Variants in CATSPERD observed in about 807,000 individuals in gnomAD.
The protein encoded by CATSPERD is cation channel sperm-associated auxiliary subunit delta.
CATSPERD carries 86 observed loss-of-function variants against 98.1 expected under a neutral mutation model. The observed-to-expected ratio is 0.88, with a 90% CI of 0.74 to 1.05. CATSPERD has a LOEUF of 1.05. Among genes scored for constraint, CATSPERD ranks in the 50% least tolerant of loss-of-function variants. The pLI, the probability that CATSPERD is intolerant of heterozygous loss-of-function variation, is 0.00. For synonymous variants in CATSPERD, 394 were observed against 390.2 expected (o/e 1.01, Z -0.12); for missense variants, 995 against 1,005.7 (o/e 0.99, Z 0.14).
intron 15 of CATSPERD, among the ~76,000 whole-genome samples, chr19:5,762,058 A>ATATATATATATATATTTTTT: frequency 4.8e-4 from 5 of 10,436 alleles, no homozygotes; most frequent in African/African-American, 1.6e-3. Context: ...ATATATATAT[A>ATATATATATATATATTTTTT]TTTTTTTTTT....
At chr19:5,739,251 T>C in intron 6 of CATSPERD, 75 bp from the exon 7 acceptor site, 1 of 855,880 alleles carries the variant, frequency 1.2e-6, no homozygotes. Flanking sequence ...AGTTTTCATT[T>C]CTCTGGGATA....
At chr19:5,750,181 G>T (rs961254086) in intron 11 of CATSPERD, among the ~76,000 whole-genome samples, 9 of 146,380 alleles carry the variant, frequency 6.1e-5, no homozygotes, top group African/African-American at 9.9e-5. Flanking sequence ...GGGCGTGGTG[G>T]CTCACGCCTG....
Position 5,759,390 on chromosome 19 carries a change from C to T in CATSPERD, c.1427+246C>T, listed in dbSNP as rs573202366. Among the ~76,000 whole-genome samples the T allele has an allele frequency of 5.9e-3, 888 of 151,484 alleles. 8 individuals are homozygous for T. The highest frequency in any genetic ancestry group is 8.1e-3 in the Non-Finnish European group (550 of 67,878). ...CAGCCTAGCCAACACGGTGAAACCC[C>T]GTCTCTACTAAAAAATAAAAAAAAA... On this transcript the variant is annotated intron_variant, in intron 15 of 21. Transcript: ENST00000381624.
At chr19:5,749,803 ATTT>A (rs199802101) in intron 11 of CATSPERD, among the ~76,000 whole-genome samples, 5 of 134,974 alleles carry the variant, frequency 3.7e-5, no homozygotes, top group Admixed American at 7.8e-5. Context: ...TGCCTATCTA[ATTT>A]TTTTTTTTTT....
chr19:5,732,073 C>T (rs865996811), intron 4 of CATSPERD, among the ~76,000 whole-genome samples: 37 of 151,968 alleles, frequency 2.4e-4, no homozygotes, highest in Middle Eastern at 3.4e-3. Flanking sequence ...TGGGTTCAAG[C>T]GATTCTCCTG....
In CATSPERD at chr19:5,748,193, G is replaced by A. The variant is rs1405410429; in HGVS notation, c.842G>A (p.Gly281Glu). Reference sequence around the variant, plus strand: ...GTCGACACCGTCCGGGTGAAAAAAGGAGACCAGACCTTGTTTTCTTCCATT... The same window carrying A: ...GTCGACACCGTCCGGGTGAAAAAAGAAGACCAGACCTTGTTTTCTTCCATT... The part of the protein sequence containing the change: ...QLVDTVRVKK[G>E]DQTLFSSIFE... Residue 281 changes from glycine (G) to glutamate (E), a missense_variant, in exon 10 of 22, where the codon GGA becomes GAA. Coordinates refer to ENST00000381624, the MANE Select transcript of CATSPERD (RefSeq NM_152784.4). 2 of 1,614,002 alleles carry A rather than the reference G, an allele frequency of 1.2e-6. No individual in the cohort carries two copies. Among genetic ancestry groups the A allele is most frequent in the Non-Finnish European group, 1.7e-6 (2 of 1,179,998 alleles).
chr19:5,730,052 A>G, intron 4 of CATSPERD, 108 bp downstream of exon 4: 1 of 682,454 alleles, frequency 1.5e-6, no homozygotes, highest in Admixed American at 2.9e-5. Flanking sequence ...TTAGAGGTTT[A>G]TTTTACAATG....
intron 21 of CATSPERD, 75 bp from the exon 22 acceptor site, chr19:5,778,301 C>A (rs1316265686): frequency 4.1e-5 from 56 of 1,377,724 alleles, no homozygotes; most frequent in Non-Finnish European, 5.2e-5. Flanking sequence ...TGGGTCTGAA[C>A]ACCTTTGCCA....
intron 9 of CATSPERD, among the ~76,000 whole-genome samples, chr19:5,747,901 C>T (rs537746257): frequency 6.6e-4 from 101 of 152,292 alleles, no homozygotes; most frequent in Middle Eastern, 3.4e-3. Flanking sequence ...TGTGCACCCC[C>T]GCGCCTGGCA....
In CATSPERD at chr19:5,754,201, A is replaced by T; in HGVS notation, c.1234A>T (p.Thr412Ser). Residue 412 changes from threonine to serine, a missense_variant, in exon 13 of 22, where the codon ACT (threonine) becomes TCT (serine). Transcript: ENST00000381624. The stretch of plus-strand genomic sequence containing the variant: ...TGACATGCACAGCCAGCTGGAATTG[A>T]CTGCTTCGTTGATACCCCAGCCAGG... ...TIDMHSQLEL[T>S]ASLIPQPGTS... is the part of the protein sequence containing the mutation. The T allele has an allele frequency of 6.2e-7, 1 of 1,613,948 alleles. No individual in the cohort carries two copies. The highest frequency in any genetic ancestry group is 8.5e-7 in the Non-Finnish European group (1 of 1,179,914).
intron 14 of CATSPERD, among the ~76,000 whole-genome samples, chr19:5,758,573 CAAAA>C (rs71172762): frequency 0.019 from 2,084 of 109,654 alleles, 69 homozygotes; most frequent in African/African-American, 0.067. Context: ...ACTAAAAATA[CAAAA>C]AAAAAAAAAA....
At chr19:5,738,875 CTGTTTT>C (rs550973878) in intron 6 of CATSPERD, among the ~76,000 whole-genome samples, 220 of 150,662 alleles carry the variant, frequency 1.5e-3, no homozygotes, top group South Asian at 5.3e-3. Context: ...CACGCCCGGC[CTGTTTT>C]TGTTTTTGTT....
intron 10 of CATSPERD, 151 bp from the exon 11 acceptor site, chr19:5,748,950 A>C: frequency 2.0e-6 from 1 of 496,882 alleles, no homozygotes; most frequent in South Asian, 1.9e-5. Context: ...GGCTGGTCTC[A>C]AACTCCTGGC....
chr19:5,775,143 G>A (rs747390568), intron 20 of CATSPERD: 9 of 409,918 alleles, frequency 2.2e-5, no homozygotes, highest in Admixed American at 5.6e-5. Flanking sequence ...TACTTGAGAC[G>A]GTCACTACAA....
At chr19:5,744,672 C>G (rs562313303) in intron 8 of CATSPERD, among the ~76,000 whole-genome samples, 162 bp downstream of exon 8, 1 of 152,084 alleles carries the variant, frequency 6.6e-6, no homozygotes, top group East Asian at 1.9e-4. Flanking sequence ...GCAATCTCAG[C>G]TCACTGCAAC....
intron 16 of CATSPERD, among the ~76,000 whole-genome samples, chr19:5,765,637 C>T (rs544477580): frequency 1.3e-5 from 2 of 151,910 alleles, no homozygotes; most frequent in South Asian, 2.1e-4. Context: ...CATGATGAAA[C>T]CCCGTCTCTA....
intron 1 of CATSPERD, among the ~76,000 whole-genome samples, chr19:5,723,016 G>T (rs1270547747): frequency 6.6e-6 from 1 of 151,482 alleles, no homozygotes; most frequent in African/African-American, 2.4e-5. Context: ...GTGAAACCTC[G>T]TCTCTACCAA....
At chr19:5,758,021 T>A in intron 14 of CATSPERD, 89 bp downstream of exon 14, 1 of 1,167,054 alleles carries the variant, frequency 8.6e-7, no homozygotes, top group South Asian at 1.5e-5. Flanking sequence ...ATTTAGGAGT[T>A]TCCAGGGTAC....
chr19:5,742,427 A>C (rs1036938011), intron 7 of CATSPERD, among the ~76,000 whole-genome samples: 2 of 152,266 alleles, frequency 1.3e-5, no homozygotes, highest in South Asian at 4.1e-4. Flanking sequence ...ACCGCAGAGA[A>C]TAGTTGAGCT....
Sources: allele counts gnomAD v4.1 joint callset (sites outside exome capture counted in the v4.1 genomes callset), GRCh38; gene constraint gnomAD v4.1.1; transcripts MANE v1.5; gene names NCBI Gene and HGNC (gene_info 2026-07-23, HGNC 2026-07-21).